ADGRG6: variants seen among roughly 807,000 people sequenced by gnomAD.
The protein encoded by ADGRG6 is adhesion G protein-coupled receptor G6.
In ADGRG6, 84 loss-of-function variants were observed where a neutral mutation model predicts 142.4. The ratio of observed to expected loss-of-function variants is 0.59; its 90% CI spans 0.49 to 0.71. The LOEUF is 0.71. Among genes scored for constraint, ADGRG6 ranks in the 30% least tolerant of loss-of-function variants. The pLI is 0.00. For synonymous variants in ADGRG6, 521 were observed against 520.5 expected, an observed-to-expected ratio of 1.00 and a Z score of -0.01; for missense variants, 1,367 against 1,466.6, an observed-to-expected ratio of 0.93 and a Z score of 1.11.
intron 21 of ADGRG6, among the ~76,000 whole-genome samples, chr6:142,418,955 A>G (rs935196190): frequency 3.3e-5 from 5 of 152,046 alleles, no homozygotes; most frequent in African/African-American, 1.2e-4. Flanking sequence ...CTACTATCCA[A>G]TATATATATT....
At chr6:142,314,139 G>A (rs1314683297) in intron 2 of ADGRG6, among the ~76,000 whole-genome samples, 1 of 152,124 alleles carries the variant, frequency 6.6e-6, no homozygotes, top group Non-Finnish European at 1.5e-5. Context: ...TTTCCTTGAG[G>A]CAACTTTCTA....
intron 8 of ADGRG6, among the ~76,000 whole-genome samples, chr6:142,393,488 T>G (rs572026086): frequency 4.3e-4 from 66 of 152,250 alleles, no homozygotes; most frequent in African/African-American, 1.6e-3. Flanking sequence ...TGTCCATATA[T>G]CCTCCTGTGT....
At chr6:142,426,576 C>A (rs1228531741) in intron 22 of ADGRG6, among the ~76,000 whole-genome samples, 1 of 152,194 alleles carries the variant, frequency 6.6e-6, no homozygotes, top group Non-Finnish European at 1.5e-5. Flanking sequence ...GTTGGTGGAT[C>A]TACCATTCTG....
chr6:142,318,475 A>G (rs1344500527), intron 2 of ADGRG6, among the ~76,000 whole-genome samples: 1 of 138,120 alleles, frequency 7.2e-6, no homozygotes, highest in East Asian at 2.0e-4. Flanking sequence ...AATTTTGCAA[A>G]GCTAAATCAT....
intron 2 of ADGRG6, among the ~76,000 whole-genome samples, chr6:142,346,260 C>T (rs1353335714): frequency 6.6e-6 from 1 of 152,080 alleles, no homozygotes; most frequent in Non-Finnish European, 1.5e-5. Flanking sequence ...ATTTACACTC[C>T]CACCAACAAT....
chr6:142,395,159 T>A (rs1775108793), intron 9 of ADGRG6, among the ~76,000 whole-genome samples: 2 of 152,166 alleles, frequency 1.3e-5, no homozygotes, highest in South Asian at 4.1e-4. Flanking sequence ...GTAAATGGAC[T>A]GGATTGAGCC....
chr6:142,400,742 G>T (rs1010008417), intron 11 of ADGRG6, 146 bp downstream of exon 11: 3 of 572,878 alleles, frequency 5.2e-6, no homozygotes, highest in Non-Finnish European at 9.5e-6. Context: ...TTCACTCCTG[G>T]GGAATAAAGA....
At chr6:142,365,418 G>T (rs1012692423) in intron 2 of ADGRG6, among the ~76,000 whole-genome samples, 1 of 152,146 alleles carries the variant, frequency 6.6e-6, no homozygotes, top group Admixed American at 6.6e-5. Flanking sequence ...CTATGTGCCA[G>T]AGGTACTGTG....
rs1036848836 is a variant in ADGRG6 at position 142,309,554 on chromosome 6, T to C, written c.13T>C (p.Ser5Pro). 1 of 1,607,706 alleles carries C rather than the reference T, an allele frequency of 6.2e-7. No homozygotes were observed. The highest frequency in any genetic ancestry group is 1.3e-5 in the African/African-American group (1 of 74,768). The change falls in exon 2 of 25, where the codon TCA becomes CCA. Residue 5 changes from serine (S) to proline (P), a missense_variant. Transcript: ENST00000367609. The part of the protein sequence containing the change: MMFR[S>P]DRMWSCHWKW... ...CTTCTTTCTTTGCAGGATGTTTCGC[T>C]CAGATCGAATGTGGAGCTGCCATTG...
chr6:142,356,257 G>A (rs1198272556), intron 2 of ADGRG6, among the ~76,000 whole-genome samples: 1 of 152,186 alleles, frequency 6.6e-6, no homozygotes, highest in Admixed American at 6.5e-5. Flanking sequence ...TTTTCCTGAT[G>A]TAACCACACT....
intron 22 of ADGRG6, among the ~76,000 whole-genome samples, chr6:142,431,869 G>A (rs1391063997): frequency 2.0e-5 from 3 of 152,102 alleles, no homozygotes; most frequent in Non-Finnish European, 4.4e-5. Context: ...GTTGCAGTGA[G>A]CCAAGATCGC....
intron 22 of ADGRG6, among the ~76,000 whole-genome samples, chr6:142,430,975 T>G (rs1324773611): frequency 6.6e-6 from 1 of 152,200 alleles, no homozygotes; most frequent in Non-Finnish European, 1.5e-5. Flanking sequence ...AGGCCCACTT[T>G]CAGCACTTGT....
intron 2 of ADGRG6, among the ~76,000 whole-genome samples, chr6:142,356,554 CTCCTT>C (rs1229247750): frequency 1.3e-5 from 2 of 152,208 alleles, no homozygotes; most frequent in Non-Finnish European, 2.9e-5. Flanking sequence ...ATACAGGGCA[CTCCTT>C]TCCTTAGTGA....
intron 2 of ADGRG6, among the ~76,000 whole-genome samples, chr6:142,317,470 A>G (rs1003799485): frequency 2.0e-5 from 3 of 151,546 alleles, no homozygotes; most frequent in Non-Finnish European, 4.4e-5. Context: ...GGTATCTTTA[A>G]TCAGAGTCCC....
intron 2 of ADGRG6, among the ~76,000 whole-genome samples, chr6:142,355,476 A>G (rs1323609464): frequency 6.6e-6 from 1 of 152,194 alleles, no homozygotes; most frequent in Non-Finnish European, 1.5e-5. Flanking sequence ...ATACCACTAC[A>G]AAGCTAAATG....
At chr6:142,378,763 T>G (rs10080722) in intron 4 of ADGRG6, among the ~76,000 whole-genome samples, 2,392 of 152,292 alleles carry the variant, frequency 0.016, 72 homozygotes, top group African/African-American at 0.054. Flanking sequence ...TTCTATAGAG[T>G]TACTACCAAA....
chr6:142,428,045 C>T (rs1777036455), intron 22 of ADGRG6, among the ~76,000 whole-genome samples: 1 of 152,078 alleles, frequency 6.6e-6, no homozygotes, highest in Admixed American at 6.6e-5. Flanking sequence ...GATTTCTTGT[C>T]ACATTTGTTT....
In ADGRG6 at chr6:142,364,249, C is replaced by G. The variant is rs142212401; in HGVS notation, c.104-3320C>G. Among the ~76,000 whole-genome samples the G allele has an allele frequency of 7.9e-5, 12 of 152,266 alleles. No individual in the cohort carries two copies. The East Asian group carries it at 2.1e-3, about 27-fold the overall frequency. On this transcript the variant is annotated intron_variant, in intron 2 of 24. Coordinates refer to ENST00000367609, the MANE Select transcript of ADGRG6 (RefSeq NM_198569.3). ...TATAAGTATAATGAAGAGGATGATA[C>G]TGTGTCTAGCTTAACTGACATTTCA...
rs183506132 is a variant in ADGRG6, at chr6:142,395,527, T to C, written c.1424+1569T>C. 2.0e-3 allele frequency among the ~76,000 whole-genome samples: 297 copies of C among 152,306 alleles called. 3 individuals carry two copies. The highest frequency in any genetic ancestry group is 0.017 in the Middle Eastern group (5 of 294). On this transcript the variant is annotated intron_variant, in intron 9 of 24. Transcript: ENST00000367609. ...ACTAAAATCAGCCATCGTTAGTACA[T>C]GTCAGCACCTCAGAAACTCTTCTTG...
Sources: allele counts gnomAD v4.1 joint callset (sites outside exome capture counted in the v4.1 genomes callset), GRCh38; gene constraint gnomAD v4.1.1; transcripts MANE v1.5; gene names NCBI Gene and HGNC (gene_info 2026-07-23, HGNC 2026-07-21).